The following TNFRSF19 variants were observed in gnomAD, a reference collection of about 807,000 sequenced individuals.
TNFRSF19 encodes the protein TNF receptor superfamily member 19.
A neutral mutation model predicts 46.4 loss-of-function variants in TNFRSF19; 27 were observed. That is an observed-to-expected ratio of 0.58 (90% CI 0.43 to 0.80). TNFRSF19 has a LOEUF of 0.80. Among genes scored for constraint, TNFRSF19 ranks in the 30% least tolerant of loss-of-function variants. TNFRSF19 has a pLI of 0.00. For synonymous variants in TNFRSF19, 204 were observed against 205.0 expected (o/e 1.00, Z 0.04); for missense variants, 511 against 530.8 (o/e 0.96, Z 0.37).
chr13:23,593,175 C>T (rs572331626), intron 2 of TNFRSF19, among the ~76,000 whole-genome samples, 170 bp from the exon 3 acceptor site: 3 of 152,204 alleles, frequency 2.0e-5, no homozygotes, highest in Admixed American at 1.3e-4. Context: ...AGTTGTTCCA[C>T]TGACTTATTC....
At chr13:23,667,402 G>A (rs1166496210) in intron 7 of TNFRSF19, among the ~76,000 whole-genome samples, 1 of 152,152 alleles carries the variant, frequency 6.6e-6, no homozygotes, top group Non-Finnish European at 1.5e-5. Context: ...CTGTGTATAT[G>A]GAGTTAGAGG....
chr13:23,584,715 A>C (rs1438713599), intron 1 of TNFRSF19, among the ~76,000 whole-genome samples: 1 of 152,030 alleles, frequency 6.6e-6, no homozygotes. Flanking sequence ...GGCAGCAGAA[A>C]ATTTTTAAGT....
At position 23,651,893 on chromosome 13, in the gene TNFRSF19, T is replaced by TAAAA. The variant is rs34023907; in HGVS notation, c.446-7137_446-7134dup. Among the ~76,000 whole-genome samples the TAAAA allele has an allele frequency of 4.8e-3, 48 of 9,950 alleles. 2 individuals are homozygous for TAAAA. Among genetic ancestry groups the TAAAA allele is most frequent in the East Asian group, 7.1e-3 (2 of 282 alleles). The allele number at this position is 9,950 out of a possible 152,430, so 6.5% of individuals were successfully genotyped here. The stretch of plus-strand genomic sequence containing the variant: ...AATGGTTGGAAAGAACATAACATGC[T>TAAAA]AAAAAAAAAAAAAAAAAAAAAAAGC... On this transcript the variant is annotated intron_variant, in intron 5 of 9. Coordinates refer to ENST00000248484, the MANE Select transcript of TNFRSF19 (RefSeq NM_148957.4).
intron 2 of TNFRSF19, among the ~76,000 whole-genome samples, chr13:23,591,071 A>C (rs1879248508): frequency 6.6e-6 from 1 of 152,274 alleles, no homozygotes; most frequent in Admixed American, 6.5e-5. Flanking sequence ...TCAAAAGAAC[A>C]AAGTTTATTT....
rs567544718 is a variant in TNFRSF19 at position 23,667,983 on chromosome 13, C to T, written c.740C>T (p.Pro247Leu). 7.5e-6 allele frequency: 12 copies of T among 1,603,480 alleles called. No homozygotes were observed. The highest frequency in any genetic ancestry group is 3.3e-4 in the Middle Eastern group (2 of 6,042). The change falls in exon 8 of 10, where the codon CCG (proline) becomes CTG (leucine). Residue 247 changes from proline (P) to leucine (L), a missense_variant. Coordinates refer to ENST00000248484, the MANE Select transcript of TNFRSF19 (RefSeq NM_148957.4). ...CRRDSVQTCG[P>L]VRLLPSMCCE... ...ACACCTGTGCTGTCTTCCCTAGGGCCGGTGCGCTTGCTCCCATCCATGTGC... is the reference window on the plus strand; with the variant it reads ...ACACCTGTGCTGTCTTCCCTAGGGCTGGTGCGCTTGCTCCCATCCATGTGC...
intron 2 of TNFRSF19, among the ~76,000 whole-genome samples, chr13:23,590,522 A>G (rs1251530806): frequency 1.3e-5 from 2 of 152,052 alleles, no homozygotes; most frequent in African/African-American, 4.8e-5. Flanking sequence ...TTTAGTAGAG[A>G]TGGGGTTTCA....
chr13:23,658,735 A>G (rs900750781), intron 5 of TNFRSF19, among the ~76,000 whole-genome samples: 10 of 152,090 alleles, frequency 6.6e-5, no homozygotes, highest in Non-Finnish European at 1.2e-4. Context: ...AAGATGACAG[A>G]CCCCCAGCTC....
intron 4 of TNFRSF19, 58 bp from the exon 5 acceptor site, chr13:23,626,649 C>A: frequency 6.5e-7 from 1 of 1,548,584 alleles, no homozygotes; most frequent in Non-Finnish European, 8.9e-7. Flanking sequence ...TAATTTATGA[C>A]CACAACTGTA....
chr13:23,615,747 G>A (rs1881232984), intron 3 of TNFRSF19, 120 bp from the exon 4 acceptor site: 2 of 1,008,556 alleles, frequency 2.0e-6, no homozygotes, highest in Non-Finnish European at 2.8e-6. Context: ...AGCTGCCTTT[G>A]TGTCTAGGAA....
chr13:23,604,929 A>C (rs1374604181), intron 3 of TNFRSF19, among the ~76,000 whole-genome samples: 1 of 152,182 alleles, frequency 6.6e-6, no homozygotes, highest in Non-Finnish European at 1.5e-5. Flanking sequence ...TTTATATGAC[A>C]CCAAAGGCAC....
intron 3 of TNFRSF19, among the ~76,000 whole-genome samples, chr13:23,602,651 G>A (rs192177346): frequency 2.5e-3 from 386 of 152,166 alleles, no homozygotes; most frequent in Non-Finnish European, 4.0e-3. Context: ...CATAGAAATC[G>A]TATAGTGTCT....
At chr13:23,638,356 C>T (rs550586314) in intron 5 of TNFRSF19, among the ~76,000 whole-genome samples, 1 of 152,268 alleles carries the variant, frequency 6.6e-6, no homozygotes, top group Non-Finnish European at 1.5e-5. Context: ...CGGCAAGTGC[C>T]AAAGAGGATC....
At chr13:23,669,903 G>A (rs1298115409) in intron 9 of TNFRSF19, among the ~76,000 whole-genome samples, 2 of 152,180 alleles carry the variant, frequency 1.3e-5, no homozygotes, top group East Asian at 3.9e-4. Flanking sequence ...CAAGCCTTGA[G>A]TGTAAAAGGG....
intron 7 of TNFRSF19, among the ~76,000 whole-genome samples, chr13:23,663,375 G>A (rs534274484): frequency 7.2e-5 from 11 of 152,264 alleles, no homozygotes; most frequent in African/African-American, 1.9e-4. Flanking sequence ...CTGCTTGATC[G>A]TGGTGGATTA....
chr13:23,628,475 A>G (rs1194886257), intron 5 of TNFRSF19, among the ~76,000 whole-genome samples: 1 of 152,206 alleles, frequency 6.6e-6, no homozygotes, highest in Non-Finnish European at 1.5e-5. Context: ...AGTTAAAATC[A>G]TGCACTGCAG....
intron 7 of TNFRSF19, among the ~76,000 whole-genome samples, chr13:23,663,667 A>G (rs1884520157): frequency 6.6e-6 from 1 of 152,120 alleles, no homozygotes; most frequent in Admixed American, 6.6e-5. Context: ...TAGGCTATTT[A>G]CTACTGATTC....
intron 5 of TNFRSF19, among the ~76,000 whole-genome samples, chr13:23,641,792 G>A (rs1883047149): frequency 6.6e-6 from 1 of 152,182 alleles, no homozygotes. Context: ...GATGCTGCTT[G>A]ACCTACAATA....
At chr13:23,587,595 C>T (rs1164334628) in intron 1 of TNFRSF19, among the ~76,000 whole-genome samples, 2 of 152,118 alleles carry the variant, frequency 1.3e-5, no homozygotes, top group South Asian at 2.1e-4. Context: ...TTGAGGTAGC[C>T]ATGCTGTCCT....
At position 23,659,664 on chromosome 13, in the gene TNFRSF19, G is replaced by A. The variant is rs1262098384; in HGVS notation, c.610+450G>A. On this transcript the variant is annotated intron_variant, in intron 6 of 9. Coordinates refer to ENST00000248484, the MANE Select transcript of TNFRSF19 (RefSeq NM_148957.4). This position sits in a 1 kb window ranked among gnomAD's most constrained non-coding sequence, Gnocchi z 4.9. ...TGGGACTACAGGCGCCCGCCACCAC[G>A]CCTGGATAATTTTTGTATTTTTAGT... 1.3e-5 allele frequency among the ~76,000 whole-genome samples: 2 copies of A among 151,892 alleles called. No individual in the cohort carries two copies. Among genetic ancestry groups the A allele is most frequent in the African/African-American group, 4.8e-5 (2 of 41,330 alleles).
Sources: allele counts gnomAD v4.1 joint callset (sites outside exome capture counted in the v4.1 genomes callset), GRCh38; gene constraint gnomAD v4.1.1; non-coding constraint Gnocchi (gnomAD v3.1); transcripts MANE v1.5; gene names NCBI Gene and HGNC (gene_info 2026-07-23, HGNC 2026-07-21).